The following ADAMTSL3 variants were observed in gnomAD, a reference collection of about 807,000 sequenced individuals.
ADAMTSL3 encodes the protein ADAMTS like 3, also known as ADAMTS-like protein 3.
A neutral mutation model predicts 201.7 loss-of-function variants in ADAMTSL3; 128 were observed. That is an observed-to-expected ratio of 0.63 (90% CI 0.55 to 0.73). The LOEUF is 0.73. Among genes scored for constraint, ADAMTSL3 ranks in the 30% least tolerant of loss-of-function variants. ADAMTSL3 has a pLI of 0.00. For synonymous variants in ADAMTSL3, 738 were observed against 748.4 expected (o/e 0.99, Z 0.23); for missense variants, 1,990 against 2,119.6 (o/e 0.94, Z 1.20).
Position 83,988,746 on chromosome 15 carries a change from C to T in ADAMTSL3, c.3772C>T (p.Gln1258Ter), listed in dbSNP as rs760147184. ...GATACAGAATCCTACAAGGAAAGAA[C>T]AAGGCATATATGAATGTTCTGTAGC... is the stretch of plus-strand genomic sequence containing the variant. ...IQIQNPTRKE[Q>*]GIYECSVANH... The change falls in exon 22 of 30, where the codon CAA (glutamine) becomes TAA (stop). Residue 1258 changes from glutamine to a stop codon, truncating the protein, a stop_gained. Transcript: ENST00000286744. LOFTEE classifies it high-confidence loss of function. 2 of 1,607,232 alleles carry T rather than the reference C, an allele frequency of 1.2e-6. No individual in the cohort carries two copies. Among genetic ancestry groups the T allele is most frequent in the South Asian group, 2.3e-5 (2 of 88,206 alleles).
intron 17 of ADAMTSL3, among the ~76,000 whole-genome samples, chr15:83,940,960 GTT>G (rs1366150182): frequency 1.2e-4 from 18 of 152,134 alleles, no homozygotes; most frequent in Admixed American, 5.9e-4. Context: ...TCCTTAGAAA[GTT>G]ATCTATTTTA....
intron 4 of ADAMTSL3, among the ~76,000 whole-genome samples, chr15:83,784,793 G>T (rs1488016630): frequency 6.8e-6 from 1 of 146,144 alleles, no homozygotes; most frequent in African/African-American, 2.6e-5. Context: ...TGATTACTTA[G>T]GCTTTTTTTT....
At chr15:83,855,142 A>G (rs1043058093) in intron 7 of ADAMTSL3, among the ~76,000 whole-genome samples, 5 of 152,068 alleles carry the variant, frequency 3.3e-5, no homozygotes, top group Admixed American at 3.3e-4. Context: ...GCTTCCTTAG[A>G]GTCTGTAGGT....
intron 2 of ADAMTSL3, among the ~76,000 whole-genome samples, chr15:83,669,924 C>T (rs951827258): frequency 6.6e-6 from 1 of 151,772 alleles, no homozygotes; most frequent in Non-Finnish European, 1.5e-5. Context: ...AATCAGGTCT[C>T]CCTGATCTGC....
intron 7 of ADAMTSL3, among the ~76,000 whole-genome samples, chr15:83,852,200 C>T (rs1274757656): frequency 1.6e-5 from 2 of 122,784 alleles, no homozygotes; most frequent in Admixed American, 1.5e-4. Flanking sequence ...ATGACCCCCG[C>T]CTCCTGGGTT....
intron 19 of ADAMTSL3, among the ~76,000 whole-genome samples, chr15:83,956,091 G>C (rs1343951410): frequency 6.6e-6 from 1 of 152,122 alleles, no homozygotes; most frequent in Admixed American, 6.5e-5. Context: ...TCAGGCTCCG[G>C]CCACTGGAAT....
chr15:83,802,482 A>T (rs1195346536), intron 4 of ADAMTSL3, among the ~76,000 whole-genome samples: 2 of 152,228 alleles, frequency 1.3e-5, no homozygotes, highest in African/African-American at 4.8e-5. Context: ...ATAAACAAAC[A>T]GTTGTACATA....
intron 19 of ADAMTSL3, among the ~76,000 whole-genome samples, chr15:83,943,556 A>G (rs1031215370): frequency 2.0e-5 from 3 of 152,206 alleles, no homozygotes; most frequent in African/African-American, 7.2e-5. Context: ...AGTGAGTAGA[A>G]TTCTAGTAGA....
At chr15:83,707,165 T>A (rs1313184077) in intron 3 of ADAMTSL3, among the ~76,000 whole-genome samples, 1 of 152,198 alleles carries the variant, frequency 6.6e-6, no homozygotes, top group Admixed American at 6.5e-5. Context: ...GCCATTTGAT[T>A]TGCTGTTTTA....
At chr15:83,904,134 G>T (rs550633775) in intron 15 of ADAMTSL3, among the ~76,000 whole-genome samples, 1 of 151,672 alleles carries the variant, frequency 6.6e-6, no homozygotes, top group South Asian at 2.1e-4. Flanking sequence ...CCGTGTTGAA[G>T]ACTGAGCAGA....
chr15:83,860,660 A>T (rs753272879), intron 8 of ADAMTSL3, among the ~76,000 whole-genome samples: 1 of 152,338 alleles, frequency 6.6e-6, no homozygotes, highest in African/African-American at 2.4e-5. Flanking sequence ...GTAAGCAATA[A>T]ATAGAATAAG....
chr15:83,765,936 GA>G (rs1389300089), intron 3 of ADAMTSL3, among the ~76,000 whole-genome samples: 1 of 152,092 alleles, frequency 6.6e-6, no homozygotes, highest in African/African-American at 2.4e-5. Context: ...TATAACATTA[GA>G]AATTATAGAT....
At chr15:83,731,782 G>A (rs1389894915) in intron 3 of ADAMTSL3, among the ~76,000 whole-genome samples, 1 of 151,964 alleles carries the variant, frequency 6.6e-6, no homozygotes, top group Non-Finnish European at 1.5e-5. Context: ...CTTGCCTTTT[G>A]CAACAACATG....
At chr15:83,883,581 A>T (rs1262543842) in intron 9 of ADAMTSL3, among the ~76,000 whole-genome samples, 7 of 150,044 alleles carry the variant, frequency 4.7e-5, no homozygotes, top group African/African-American at 1.7e-4. Context: ...TTTGAGACAG[A>T]GTCTTGCTTT....
chr15:83,902,161 T>C (rs2065737776), intron 15 of ADAMTSL3, among the ~76,000 whole-genome samples: 1 of 152,138 alleles, frequency 6.6e-6, no homozygotes. Context: ...TGAAATCAGT[T>C]CCCAGGACAC....
At chr15:83,987,050 G>T (rs1411039756) in intron 21 of ADAMTSL3, among the ~76,000 whole-genome samples, 1 of 152,190 alleles carries the variant, frequency 6.6e-6, no homozygotes, top group Middle Eastern at 3.4e-3. Context: ...CAAAACAAAG[G>T]CATTATTTGA....
intron 6 of ADAMTSL3, among the ~76,000 whole-genome samples, chr15:83,823,935 T>C (rs554397104): frequency 8.1e-5 from 10 of 123,650 alleles, no homozygotes; most frequent in South Asian, 2.7e-4. Context: ...CTTCTTCTTC[T>C]TCTTCTTCTT....
intron 2 of ADAMTSL3, among the ~76,000 whole-genome samples, chr15:83,676,569 T>C (rs977884412): frequency 2.4e-4 from 36 of 152,156 alleles, no homozygotes; most frequent in African/African-American, 7.0e-4. Flanking sequence ...TCCCAGCTAC[T>C]CAGGAGGCTG....
intron 6 of ADAMTSL3, among the ~76,000 whole-genome samples, chr15:83,821,685 C>G: frequency 6.6e-6 from 1 of 152,210 alleles, no homozygotes; most frequent in Non-Finnish European, 1.5e-5. Context: ...TCAATCTTTT[C>G]CCCACCTTTC....
Sources: allele counts gnomAD v4.1 joint callset (sites outside exome capture counted in the v4.1 genomes callset), GRCh38; gene constraint gnomAD v4.1.1; transcripts MANE v1.5; gene names NCBI Gene and HGNC (gene_info 2026-07-23, HGNC 2026-07-21).